The following CADPS2 variants were observed in gnomAD, a reference collection of about 807,000 sequenced individuals.
CADPS2 encodes calcium dependent secretion activator 2, also known as calcium-dependent secretion activator 2.
In CADPS2, 93 loss-of-function variants were observed where a neutral mutation model predicts 172.5. The observed-to-expected ratio is 0.54, with a 90% CI of 0.46 to 0.64. The LOEUF (loss-of-function observed/expected upper bound fraction) is 0.64, where lower values mean the gene tolerates loss of function less well. CADPS2 is among the 30% of genes least tolerant of loss of function. The pLI, the probability that CADPS2 is intolerant of heterozygous loss-of-function variation, is 0.00. For synonymous variants in CADPS2, 546 were observed against 555.2 expected, an observed-to-expected ratio of 0.98 and a Z score of 0.23; for missense variants, 1,420 against 1,565.9, an observed-to-expected ratio of 0.91 and a Z score of 1.57.
chr7:122,648,215 C>T (rs1167448297), intron 3 of CADPS2, among the ~76,000 whole-genome samples: 1 of 152,034 alleles, frequency 6.6e-6, no homozygotes, highest in Non-Finnish European at 1.5e-5. Flanking sequence ...CTTGGTACAA[C>T]CTCTAAATCC....
chr7:122,495,679 C>G (rs1245115634), intron 9 of CADPS2, among the ~76,000 whole-genome samples: 2 of 152,122 alleles, frequency 1.3e-5, no homozygotes, highest in Non-Finnish European at 1.5e-5. Flanking sequence ...AGGAGTGGAA[C>G]TGCTAGGTTG....
intron 1 of CADPS2, among the ~76,000 whole-genome samples, chr7:122,746,638 C>G (rs73222410): frequency 1.5e-4 from 20 of 134,144 alleles, no homozygotes; most frequent in African/African-American, 3.9e-4. Context: ...GACACACACA[C>G]ACAGACACAC....
chr7:122,856,236 G>C, intron 1 of CADPS2, among the ~76,000 whole-genome samples: 1 of 152,128 alleles, frequency 6.6e-6, no homozygotes, highest in East Asian at 1.9e-4. Context: ...CATGCTTTCT[G>C]TTCAGAGCCA....
At position 122,523,460 on chromosome 7, in the gene CADPS2, A is replaced by G. The variant is rs2060969938; in HGVS notation, c.1476-10145T>C. Among the ~76,000 whole-genome samples the G allele has an allele frequency of 2.0e-5, 3 of 152,186 alleles. No individual in the cohort carries two copies. In the South Asian group the frequency reaches 6.2e-4, roughly 32 times the overall value. ...GTCATTGGCATTCTTTTATATCTCAATTAGCAGAAAAGAAGTACCTTGATA... is the reference window on the plus strand; with the variant it reads ...GTCATTGGCATTCTTTTATATCTCAGTTAGCAGAAAAGAAGTACCTTGATA... On this transcript the variant is annotated intron_variant, in intron 8 of 29. Coordinates refer to ENST00000449022, the MANE Select transcript of CADPS2 (RefSeq NM_017954.11).
At chr7:122,653,281 G>C (rs186336208) in intron 3 of CADPS2, among the ~76,000 whole-genome samples, 1 of 152,312 alleles carries the variant, frequency 6.6e-6, no homozygotes, top group Non-Finnish European at 1.5e-5. Context: ...AACACATACA[G>C]AAGTGACACT....
Position 122,319,028 on chromosome 7 carries a change from A to G in CADPS2, c.*1137T>C, listed in dbSNP as rs2031845061. 2 of 152,218 alleles carry G rather than the reference A, an allele frequency of 1.3e-5. No individual in the cohort carries two copies. The allele number at this position is 152,218 out of a possible 1,614,324, so 9.4% of individuals were successfully genotyped here. A position where few individuals can be genotyped will look rare whatever the true frequency, so the allele number is the denominator to read the frequency against. Reference sequence around the variant, plus strand: ...CGCAACATAATACAATTATCTCTCAAACCCTAGCAAGAAAATATTTTGAGA... The same window carrying G: ...CGCAACATAATACAATTATCTCTCAGACCCTAGCAAGAAAATATTTTGAGA... On this transcript the variant is annotated 3_prime_UTR_variant, in exon 30 of 30. Coordinates refer to ENST00000449022, the MANE Select transcript of CADPS2 (RefSeq NM_017954.11).
intron 5 of CADPS2, among the ~76,000 whole-genome samples, chr7:122,616,015 A>AT (rs1408155271): frequency 1.3e-5 from 2 of 152,020 alleles, no homozygotes; most frequent in African/African-American, 4.8e-5. Flanking sequence ...GACAACATAT[A>AT]TTTTTTATGT....
chr7:122,471,484 GA>G lies in CADPS2; in HGVS notation c.2076del (p.Leu693SerfsTer7). 6.2e-7 allele frequency: 1 copy of G among 1,613,092 alleles called. No individual in the cohort carries two copies. Among genetic ancestry groups the G allele is most frequent in the Non-Finnish European group, 8.5e-7 (1 of 1,179,530 alleles). On this transcript the variant is annotated frameshift_variant, in exon 14 of 30. Transcript: ENST00000449022. LOFTEE classifies it high-confidence loss of function. ...ARYGVRGCHR[H>X]LCYLAELMEH... ...TCCATCAGTTCTGCAAGGTAGCAGA[GA>G]TGTCTGTGACAGCCTCTCACACCAT...
intron 14 of CADPS2, among the ~76,000 whole-genome samples, chr7:122,460,711 A>G (rs181101481): frequency 6.6e-6 from 1 of 152,356 alleles, no homozygotes; most frequent in African/African-American, 2.4e-5. Context: ...ATAATTATAA[A>G]AGATCTAAGG....
intron 8 of CADPS2, among the ~76,000 whole-genome samples, chr7:122,541,816 C>CATAT (rs370028127): frequency 5.4e-5 from 4 of 74,048 alleles, no homozygotes; most frequent in South Asian, 7.9e-4. Context: ...TTTATATATT[C>CATAT]ATATGTTTAT....
intron 12 of CADPS2, among the ~76,000 whole-genome samples, chr7:122,474,769 T>A (rs1315317156): frequency 6.6e-6 from 1 of 152,088 alleles, no homozygotes; most frequent in East Asian, 1.9e-4. Context: ...ATTTCTAATA[T>A]CCAACAGAAG....
chr7:122,735,291 A>G (rs1039334217), intron 2 of CADPS2, among the ~76,000 whole-genome samples: 1 of 152,104 alleles, frequency 6.6e-6, no homozygotes, highest in Non-Finnish European at 1.5e-5. Flanking sequence ...ATTGCATACA[A>G]CACCATAAAC....
intron 2 of CADPS2, among the ~76,000 whole-genome samples, chr7:122,704,406 T>G (rs2086660376): frequency 6.6e-6 from 1 of 151,928 alleles, no homozygotes; most frequent in Non-Finnish European, 1.5e-5. Flanking sequence ...CTATTAACAG[T>G]GACAAATTGA....
rs576427413 is a variant in CADPS2 at position 122,422,264 on chromosome 7, C to T, written c.2477-6100G>A. Among the ~76,000 whole-genome samples, 18 of 152,186 alleles carry T rather than the reference C, an allele frequency of 1.2e-4. No individual in the cohort carries two copies. The East Asian group carries it at 1.9e-3, about 16-fold the overall frequency. ...ACTCTCTGAAGTGAGGCCCAAACAG[C>T]GAGGCTTTACCTTGAGAGCCTGTAA... On this transcript the variant is annotated intron_variant, in intron 17 of 29. Transcript: ENST00000449022.
chr7:122,321,605 C>CA (rs2032535396), intron 29 of CADPS2, among the ~76,000 whole-genome samples: 1 of 152,196 alleles, frequency 6.6e-6, no homozygotes, highest in African/African-American at 2.4e-5. Flanking sequence ...TCTCCCACCT[C>CA]AGCCTCCCGA....
chr7:122,690,726 A>C (rs4727945), intron 2 of CADPS2, among the ~76,000 whole-genome samples: 3,458 of 152,198 alleles, frequency 0.023, 58 homozygotes, highest in Non-Finnish European at 0.032. Context: ...AACAAGGTTA[A>C]GCCTCAATAA....
chr7:122,585,911 T>C (rs2069601542), intron 6 of CADPS2: 1 of 151,974 alleles, frequency 6.6e-6, no homozygotes, highest in African/African-American at 2.4e-5. Flanking sequence ...TCTTTTAACC[T>C]AGTAAGGTTA....
intron 1 of CADPS2, among the ~76,000 whole-genome samples, chr7:122,757,009 G>GA (rs772689743): frequency 3.9e-5 from 6 of 152,032 alleles, no homozygotes; most frequent in Non-Finnish European, 8.8e-5. Context: ...CAACTCCACG[G>GA]ACACCTTTGA....
intron 11 of CADPS2, among the ~76,000 whole-genome samples, chr7:122,485,342 G>A (rs936095514): frequency 2.0e-5 from 3 of 152,212 alleles, no homozygotes; most frequent in African/African-American, 7.2e-5. Context: ...AAAAGTTGTT[G>A]CAGTAAATTA....
Sources: allele counts gnomAD v4.1 joint callset (sites outside exome capture counted in the v4.1 genomes callset), GRCh38; gene constraint gnomAD v4.1.1; transcripts MANE v1.5; gene names NCBI Gene and HGNC (gene_info 2026-07-23, HGNC 2026-07-21).